The following TGFB2 variants were observed in gnomAD, a reference collection of about 807,000 sequenced individuals.
TGFB2 encodes the protein transforming growth factor beta 2, also known as transforming growth factor beta-2 proprotein.
Under a neutral mutation model 42.7 loss-of-function variants are expected in TGFB2, and 13 were observed. The observed-to-expected ratio is 0.30, with a 90% CI of 0.20 to 0.48. The LOEUF is 0.48. Ranked by LOEUF, TGFB2 falls within the 20% of genes least tolerant of loss-of-function variation. The probability of loss-of-function intolerance (pLI) is 0.99; values close to 1 mark genes in which losing one functional copy is unlikely to be tolerated. For missense variants in TGFB2, 390 were observed against 517.5 expected (o/e 0.75, Z 2.39); for synonymous variants, 193 against 193.6 (o/e 1.00, Z 0.03).
chr1:218,364,502 A>G (rs1657323857), intron 1 of TGFB2, among the ~76,000 whole-genome samples: 1 of 152,232 alleles, frequency 6.6e-6, no homozygotes, highest in Admixed American at 6.5e-5. Flanking sequence ...TCAGGAAAAA[A>G]GGAAACAGAC....
chr1:218,434,486 G>A, intron 4 of TGFB2, 38 bp downstream of exon 4: 1 of 1,292,858 alleles, frequency 7.7e-7, no homozygotes, highest in Admixed American at 1.7e-5. Flanking sequence ...GGGGAGGGAA[G>A]GGTCTATATT....
At chr1:218,371,313 A>C (rs11466379) in intron 1 of TGFB2, among the ~76,000 whole-genome samples, 3,434 of 152,266 alleles carry the variant, frequency 0.023, 110 homozygotes, top group African/African-American at 0.075. Flanking sequence ...ATCAATCAAT[A>C]AATAAATAAA....
chr1:218,363,178 G>A (rs1657274269), intron 1 of TGFB2, among the ~76,000 whole-genome samples: 1 of 152,210 alleles, frequency 6.6e-6, no homozygotes, highest in Non-Finnish European at 1.5e-5. Context: ...GATCCTCAGT[G>A]TCTAATCCCC....
intron 2 of TGFB2, among the ~76,000 whole-genome samples, chr1:218,430,767 G>A (rs1220261728): frequency 6.6e-6 from 1 of 152,212 alleles, no homozygotes; most frequent in East Asian, 1.9e-4. Flanking sequence ...TAGTTCTGAA[G>A]CAAAATCATG....
At chr1:218,373,255 A>G (rs1042043117) in intron 1 of TGFB2, among the ~76,000 whole-genome samples, 3 of 152,158 alleles carry the variant, frequency 2.0e-5, no homozygotes, top group Non-Finnish European at 4.4e-5. Flanking sequence ...CAAAGCTTTT[A>G]ATAAAACTGT....
chr1:218,378,459 G>C (rs1326867134), intron 1 of TGFB2, among the ~76,000 whole-genome samples: 1 of 152,178 alleles, frequency 6.6e-6, no homozygotes, highest in African/African-American at 2.4e-5. Context: ...TTACAGGCGT[G>C]AGCTACTGCA....
intron 1 of TGFB2, among the ~76,000 whole-genome samples, chr1:218,347,617 C>G (rs111335499): frequency 6.2e-4 from 95 of 152,256 alleles, no homozygotes; most frequent in Middle Eastern, 3.4e-3. Flanking sequence ...GGAGACCCCT[C>G]GAGAAACCTA....
chr1:218,391,260 C>T (rs1658308549), intron 1 of TGFB2, among the ~76,000 whole-genome samples: 1 of 152,100 alleles, frequency 6.6e-6, no homozygotes, highest in Non-Finnish European at 1.5e-5. Context: ...CCTACTGGTC[C>T]CCCTTGAAGA....
At chr1:218,391,425 G>A (rs371355331) in intron 1 of TGFB2, among the ~76,000 whole-genome samples, 2 of 152,326 alleles carry the variant, frequency 1.3e-5, no homozygotes, top group African/African-American at 4.8e-5. Flanking sequence ...GAAGGAATAA[G>A]TTCTAGTGTG....
At chr1:218,425,002 A>T (rs1382821438) in intron 2 of TGFB2, among the ~76,000 whole-genome samples, 1 of 152,168 alleles carries the variant, frequency 6.6e-6, no homozygotes, top group Non-Finnish European at 1.5e-5. Context: ...CCTTAAAGGG[A>T]TCAGTTGAGG....
intron 2 of TGFB2, among the ~76,000 whole-genome samples, chr1:218,406,294 G>C (rs532880281): frequency 6.6e-6 from 1 of 151,832 alleles, no homozygotes; most frequent in Non-Finnish European, 1.5e-5. Context: ...GGGCAGCTGC[G>C]TCAAAATGTA....
intron 2 of TGFB2, among the ~76,000 whole-genome samples, chr1:218,419,685 C>T (rs986607216): frequency 6.6e-6 from 1 of 152,130 alleles, no homozygotes; most frequent in South Asian, 2.1e-4. Flanking sequence ...AGAAACATCA[C>T]TCATTTATTC....
chr1:218,391,236 T>C (rs1303115901), intron 1 of TGFB2, among the ~76,000 whole-genome samples: 1 of 152,202 alleles, frequency 6.6e-6, no homozygotes, highest in African/African-American at 2.4e-5. Flanking sequence ...TGATTTGCAG[T>C]AGGACACAGC....
chr1:218,388,953 C>T (rs1221852563), intron 1 of TGFB2, among the ~76,000 whole-genome samples: 3 of 152,160 alleles, frequency 2.0e-5, no homozygotes, highest in South Asian at 2.1e-4. Flanking sequence ...GCACTCTATA[C>T]AGGGTTCGTT....
chr1:218,353,400 G>A lies in TGFB2; in HGVS notation c.346+6353G>A, dbSNP rs192659773. Among the ~76,000 whole-genome samples, 17 of 152,328 alleles carry A rather than the reference G, an allele frequency of 1.1e-4. No individual in the cohort carries two copies. In the East Asian group the frequency reaches 2.7e-3, roughly 24 times the overall value. On this transcript the variant is annotated intron_variant, in intron 1 of 6. Coordinates refer to ENST00000366930, the MANE Select transcript of TGFB2 (RefSeq NM_003238.6). ...AGTTCTCCTATGAGAAGGCCTGAGAGTTTAGGCAATTAGATTCAGGCCTTT... is the reference window on the plus strand; with the variant it reads ...AGTTCTCCTATGAGAAGGCCTGAGAATTTAGGCAATTAGATTCAGGCCTTT...
chr1:218,367,362 C>G (rs941229820), intron 1 of TGFB2, among the ~76,000 whole-genome samples: 1 of 152,154 alleles, frequency 6.6e-6, no homozygotes, highest in Non-Finnish European at 1.5e-5. Context: ...GCAGGTTTCT[C>G]TTTCCAAACA....
intron 1 of TGFB2, among the ~76,000 whole-genome samples, chr1:218,397,185 G>A (rs186479647): frequency 2.4e-4 from 36 of 151,460 alleles, no homozygotes; most frequent in African/African-American, 8.5e-4. Context: ...GGTGAGTTGC[G>A]TGAACCCAAG....
At chr1:218,427,379 C>T (rs571766275) in intron 2 of TGFB2, among the ~76,000 whole-genome samples, 4 of 152,100 alleles carry the variant, frequency 2.6e-5, no homozygotes, top group Admixed American at 1.3e-4. Flanking sequence ...TACATGTGCA[C>T]AATGTGCAGG....
In TGFB2 at chr1:218,346,460, C is replaced by T. The variant is rs1558219624; in HGVS notation, c.-242C>T. 4 of 435,924 alleles carry T rather than the reference C, an allele frequency of 9.2e-6. No homozygotes were observed. The highest frequency in any genetic ancestry group is 1.6e-5 in the Non-Finnish European group (4 of 251,300). 27.0% of individuals were successfully genotyped at this position (435,924 alleles called of 1,614,324 possible). A position where few individuals can be genotyped will look rare whatever the true frequency, so the allele number is the denominator to read the frequency against. ...TTCTTACTCGCCAAAGTCAGGGTTC[C>T]CTCTGCCCGTCCCGTATTAATATTT... is the stretch of plus-strand genomic sequence containing the variant. On this transcript the variant is annotated 5_prime_UTR_variant, in exon 1 of 7. Coordinates refer to ENST00000366930, the MANE Select transcript of TGFB2 (RefSeq NM_003238.6). The surrounding 1 kb of genome is among the most constrained non-coding windows in gnomAD (Gnocchi z 4.9).
Sources: gnomAD v4.1 joint callset for allele counts (sites outside exome capture counted in the v4.1 genomes callset) on GRCh38, gnomAD v4.1.1 for gene constraint, Gnocchi (gnomAD v3.1) non-coding constraint, MANE v1.5 for transcripts, NCBI Gene and HGNC (gene_info 2026-07-23, HGNC 2026-07-21) for gene names.